MOCOS: variants seen among roughly 807,000 people sequenced by gnomAD.
MOCOS encodes human molybdenum cofactor sulfurase.
A neutral mutation model predicts 83.6 loss-of-function variants in MOCOS; 86 were observed. The observed-to-expected ratio is 1.03, with a 90% CI of 0.86 to 1.23. The LOEUF is 1.23. Ranked by LOEUF, MOCOS falls within the 50% of genes most tolerant of loss-of-function variation. The pLI is 0.00. For missense variants in MOCOS, 1,120 were observed against 1,126.9 expected (o/e 0.99, Z 0.09); for synonymous variants, 445 against 434.7 (o/e 1.02, Z -0.29).
In MOCOS at chr18:36,271,730, T is replaced by A. The variant is rs985109801; in HGVS notation, c.*3045T>A. The A allele has an allele frequency of 6.6e-6, 1 of 152,214 alleles. No homozygotes were observed. The highest frequency in any genetic ancestry group is 2.4e-5 in the African/African-American group (1 of 41,456). The allele number at this position is 152,214 out of a possible 1,614,324, so 9.4% of individuals were successfully genotyped here. A position where few individuals can be genotyped will look rare whatever the true frequency, so the allele number is the denominator to read the frequency against. On this transcript the variant is annotated 3_prime_UTR_variant, in exon 15 of 15. Coordinates refer to ENST00000261326, the MANE Select transcript of MOCOS (RefSeq NM_017947.4). ...GGTCCTTTTAGCCAGAAGAGAGGTT[T>A]TCTTTTGCATAGTTTGGTGAGCATC... is the stretch of plus-strand genomic sequence containing the variant.
Position 36,251,162 on chromosome 18 carries a change from A to G in MOCOS, c.2043A>G (p.Val681=). The change falls in exon 11 of 15, where the codon GTA becomes GTG. Residue 681 remains valine, a synonymous_variant. Coordinates refer to ENST00000261326, the MANE Select transcript of MOCOS (RefSeq NM_017947.4). ...IRQSRVCADR[V]STYDCGEKIS... ...CTTTCTCTCTCTCTTTTGCCAGAGT[A>G]AGTACTTATGATTGTGGAGAAAAAA... 6.2e-7 allele frequency: 1 copy of G among 1,612,310 alleles called. No individual in the cohort carries two copies. The highest frequency in any genetic ancestry group is 8.5e-7 in the Non-Finnish European group (1 of 1,178,338).
At chr18:36,216,260 C>G (rs2091476152) in intron 8 of MOCOS, among the ~76,000 whole-genome samples, 1 of 152,108 alleles carries the variant, frequency 6.6e-6, no homozygotes, top group Non-Finnish European at 1.5e-5. Context: ...TGTGCTGAAG[C>G]ATTGTATGTG....
At chr18:36,227,732 G>A (rs1452915687) in intron 9 of MOCOS, among the ~76,000 whole-genome samples, 2 of 152,112 alleles carry the variant, frequency 1.3e-5, no homozygotes, top group Non-Finnish European at 2.9e-5. Context: ...TTAAAAAGAT[G>A]AGTTCTCTCC....
intron 1 of MOCOS, among the ~76,000 whole-genome samples, chr18:36,188,427 T>A (rs930856249): frequency 2.0e-5 from 3 of 152,238 alleles, no homozygotes; most frequent in African/African-American, 7.2e-5. Flanking sequence ...AAGCTCCATC[T>A]GGCCTTGGCC....
chr18:36,257,811 G>A (rs79633743), intron 12 of MOCOS, among the ~76,000 whole-genome samples: 4,121 of 152,204 alleles, frequency 0.027, 188 homozygotes, highest in African/African-American at 0.094. Flanking sequence ...CTGTGAACTG[G>A]GGGTCCTGTG....
intron 3 of MOCOS, among the ~76,000 whole-genome samples, 171 bp downstream of exon 3, chr18:36,198,927 G>A (rs1358548611): frequency 6.6e-6 from 1 of 152,214 alleles, no homozygotes; most frequent in East Asian, 1.9e-4. Flanking sequence ...CAGAAAGGCA[G>A]CGGTGAGTAG....
In MOCOS at chr18:36,215,419, T is replaced by C; in HGVS notation, c.1336-97T>C. The C allele has an allele frequency of 3.4e-6, 4 of 1,184,368 alleles. No individual in the cohort carries two copies. The South Asian group carries it at 3.9e-5, about 12-fold the overall frequency. 73.4% of individuals were successfully genotyped at this position (1,184,368 alleles called of 1,614,324 possible). A position where few individuals can be genotyped will look rare whatever the true frequency, so the allele number is the denominator to read the frequency against. On this transcript the variant is annotated intron_variant, in intron 7 of 14. Transcript: ENST00000261326. Reference sequence around the variant, plus strand: ...ATGTTGCAGTTCTGTTTTCCTGGGTTAATTTTAAAATTAACAAAATTTATT... The same window carrying C: ...ATGTTGCAGTTCTGTTTTCCTGGGTCAATTTTAAAATTAACAAAATTTATT...
At chr18:36,216,857 G>A (rs2091477678) in intron 8 of MOCOS, among the ~76,000 whole-genome samples, 1 of 152,108 alleles carries the variant, frequency 6.6e-6, no homozygotes, top group African/African-American at 2.4e-5. Flanking sequence ...ACCAACATTG[G>A]GACAAATGAA....
At chr18:36,213,345 C>T (rs199936539) in intron 6 of MOCOS, 21 bp from the exon 7 acceptor site, 42 of 1,590,928 alleles carry the variant, frequency 2.6e-5, no homozygotes, top group Non-Finnish European at 3.3e-5. Flanking sequence ...TGGCTCATTC[C>T]ATGTTACATT....
At chr18:36,202,988 TG>T in intron 4 of MOCOS, 124 bp from the exon 5 acceptor site, 1 of 891,694 alleles carries the variant, frequency 1.1e-6, no homozygotes, top group Non-Finnish European at 1.9e-6. Flanking sequence ...GAGATTTAGG[TG>T]GAGACATAAA....
chr18:36,262,276 C>CACACACACACACACACACACACACA (rs1555656486), intron 13 of MOCOS, among the ~76,000 whole-genome samples: 3 of 151,108 alleles, frequency 2.0e-5, no homozygotes, highest in East Asian at 1.9e-4. Flanking sequence ...CACACACACA[C>CACACACACACACACACACACACACA]GAAAAATTAG....
rs2091696891 is a variant in MOCOS, at chr18:36,270,793, TA to T, written c.*2109del. 3 of 151,984 alleles carry T rather than the reference TA, an allele frequency of 2.0e-5. No individual in the cohort carries two copies. The highest frequency in any genetic ancestry group is 2.9e-5 in the Non-Finnish European group (2 of 68,040). The allele number at this position is 151,984 out of a possible 1,614,324, so 9.4% of individuals were successfully genotyped here. On this transcript the variant is annotated 3_prime_UTR_variant, in exon 15 of 15. Coordinates refer to ENST00000261326, the MANE Select transcript of MOCOS (RefSeq NM_017947.4). ...TCCACGTCTATGTCACCTTTTGCAG[TA>T]GATACTTTCATGACTGATTTCAGGC...
chr18:36,258,796 C>T lies in MOCOS; in HGVS notation c.2271-1241C>T, dbSNP rs1354504308. On this transcript the variant is annotated intron_variant, in intron 12 of 14. Coordinates refer to ENST00000261326, the MANE Select transcript of MOCOS (RefSeq NM_017947.4). Reference sequence around the variant, plus strand: ...CAGATCAATCTCCTGGTACAACAGCCACCCTTCCTCTGTTGAATGAGGCAA... The same window carrying T: ...CAGATCAATCTCCTGGTACAACAGCTACCCTTCCTCTGTTGAATGAGGCAA... Among the ~76,000 whole-genome samples, 3 of 152,298 alleles carry T rather than the reference C, an allele frequency of 2.0e-5. No homozygotes were observed. In the South Asian group the frequency reaches 6.2e-4, roughly 32 times the overall value.
At chr18:36,264,445 C>T (rs140414788) in intron 13 of MOCOS, among the ~76,000 whole-genome samples, 6 of 152,210 alleles carry the variant, frequency 3.9e-5, no homozygotes, top group African/African-American at 9.6e-5. Context: ...ACTGGCTCCT[C>T]GAGGACACAG....
chr18:36,263,471 C>T (rs566664851), intron 13 of MOCOS, among the ~76,000 whole-genome samples: 1 of 152,340 alleles, frequency 6.6e-6, no homozygotes, highest in Non-Finnish European at 1.5e-5. Context: ...TTTCTATGTC[C>T]TGACTGGAAG....
chr18:36,196,447 G>A (rs932740570), intron 2 of MOCOS, among the ~76,000 whole-genome samples: 3 of 152,112 alleles, frequency 2.0e-5, no homozygotes, highest in African/African-American at 7.2e-5. Flanking sequence ...GCTTGGAGGA[G>A]CTAGAAGCTG....
At chr18:36,241,075 T>G (rs1410634214) in intron 9 of MOCOS, among the ~76,000 whole-genome samples, 3 of 152,116 alleles carry the variant, frequency 2.0e-5, no homozygotes, top group Non-Finnish European at 4.4e-5. Flanking sequence ...CAGATGAAAA[T>G]GCAGAAATCA....
At position 36,247,056 on chromosome 18, in the gene MOCOS, G is replaced by T. The variant is rs74339434; in HGVS notation, c.1961-1866G>T. On this transcript the variant is annotated intron_variant, in intron 9 of 14. Coordinates refer to ENST00000261326, the MANE Select transcript of MOCOS (RefSeq NM_017947.4). ...TGGCCACTCTGGGGGTGGGGGGCTG[G>T]TTCTTGGGCAAATGGAGTTATGTTC... Among the ~76,000 whole-genome samples the T allele has an allele frequency of 7.9e-5, 12 of 152,212 alleles. No individual in the cohort carries two copies. The East Asian group carries it at 1.7e-3, about 22-fold the overall frequency.
intron 8 of MOCOS, 89 bp downstream of exon 8, chr18:36,216,066 A>C: frequency 1.5e-6 from 2 of 1,317,154 alleles, no homozygotes; most frequent in Non-Finnish European, 2.1e-6. Flanking sequence ...GAAAAAAATC[A>C]AAATCATTCA....
Sources: allele counts gnomAD v4.1 joint callset (sites outside exome capture counted in the v4.1 genomes callset), GRCh38; gene constraint gnomAD v4.1.1; transcripts MANE v1.5; gene names NCBI Gene and HGNC (gene_info 2026-07-23, HGNC 2026-07-21).